PHF11: variants seen among roughly 807,000 people sequenced by gnomAD.
PHF11 encodes PHD finger protein 11.
Under a neutral mutation model 40.5 loss-of-function variants are expected in PHF11, and 38 were observed. That is an observed-to-expected ratio of 0.94 (90% CI 0.72 to 1.23). The LOEUF (loss-of-function observed/expected upper bound fraction) is 1.23. Ranked by LOEUF, PHF11 falls within the 50% of genes most tolerant of loss-of-function variation. The probability of loss-of-function intolerance (pLI) is 0.00; values close to 1 mark genes in which losing one functional copy is unlikely to be tolerated. For missense variants in PHF11, 369 were observed against 392.4 expected (o/e 0.94, Z 0.50); for synonymous variants, 127 against 138.2 (o/e 0.92, Z 0.57).
intron 9 of PHF11, among the ~76,000 whole-genome samples, chr13:49,527,577 G>A (rs1959360475): frequency 6.6e-6 from 1 of 152,156 alleles, no homozygotes; most frequent in South Asian, 2.1e-4. Flanking sequence ...ACCAAAAAGA[G>A]TGTCTGTCTT....
chr13:49,506,130 C>G (rs1958984087), intron 1 of PHF11, among the ~76,000 whole-genome samples: 1 of 151,870 alleles, frequency 6.6e-6, no homozygotes, highest in Non-Finnish European at 1.5e-5. Flanking sequence ...GGCACAGTAG[C>G]TCGTGCCTGT....
chr13:49,499,323 C>T (rs1398394899), intron 1 of PHF11, among the ~76,000 whole-genome samples: 1 of 152,202 alleles, frequency 6.6e-6, no homozygotes, highest in African/African-American at 2.4e-5. Context: ...ACAAACATGC[C>T]TGCTGGGGGT....
chr13:49,508,271 A>C (rs1013271996), intron 2 of PHF11, among the ~76,000 whole-genome samples: 6 of 147,214 alleles, frequency 4.1e-5, no homozygotes, highest in African/African-American at 1.5e-4. Flanking sequence ...TTATGTATTA[A>C]TATATTAATT....
At chr13:49,497,165 C>T (rs944836859) in intron 1 of PHF11, 5 of 1,289,532 alleles carry the variant, frequency 3.9e-6, no homozygotes, top group South Asian at 1.2e-5. Flanking sequence ...ACGTGGCAAC[C>T]ACAAGCCAAT....
At chr13:49,520,652 C>G (rs1178846520) in intron 4 of PHF11, among the ~76,000 whole-genome samples, 1 of 152,034 alleles carries the variant, frequency 6.6e-6, no homozygotes, top group Non-Finnish European at 1.5e-5. Flanking sequence ...TTCATCAGTA[C>G]TCATTCCTTG....
intron 3 of PHF11, among the ~76,000 whole-genome samples, chr13:49,513,448 A>G (rs967001818): frequency 1.3e-5 from 2 of 149,826 alleles, no homozygotes; most frequent in African/African-American, 5.0e-5. Flanking sequence ...CTCCTGCCTC[A>G]GCCTCCCGAG....
chr13:49,523,365 AG>A, intron 7 of PHF11, 124 bp downstream of exon 7: 1 of 666,356 alleles, frequency 1.5e-6, no homozygotes, highest in African/African-American at 1.8e-5. Context: ...GTAATTAATG[AG>A]TATAAATCTT....
intron 1 of PHF11, among the ~76,000 whole-genome samples, chr13:49,503,237 A>G (rs1430604194): frequency 6.6e-6 from 1 of 151,060 alleles, no homozygotes; most frequent in African/African-American, 2.4e-5. Context: ...CCATACCCCA[A>G]CCCACCCCAC....
chr13:49,502,730 T>G (rs533958262), intron 1 of PHF11, among the ~76,000 whole-genome samples: 24 of 152,328 alleles, frequency 1.6e-4, no homozygotes, highest in South Asian at 1.0e-3. Context: ...TTTATTTGTT[T>G]GTTTGTTTTG....
chr13:49,498,480 C>T (rs1169677389), intron 1 of PHF11, among the ~76,000 whole-genome samples: 1 of 151,856 alleles, frequency 6.6e-6, no homozygotes, highest in Admixed American at 6.5e-5. Context: ...TAACCTAGTA[C>T]ATTTCAGATA....
chr13:49,513,802 G>A (rs925687617), intron 3 of PHF11, among the ~76,000 whole-genome samples: 12 of 152,148 alleles, frequency 7.9e-5, no homozygotes, highest in Non-Finnish European at 1.5e-5. Context: ...TTGGTTGATT[G>A]AGTGGCTTGA....
chr13:49,507,270 C>T (rs558618203), intron 2 of PHF11, among the ~76,000 whole-genome samples: 2 of 152,216 alleles, frequency 1.3e-5, no homozygotes, highest in African/African-American at 2.4e-5. Context: ...ACTGATAGAC[C>T]TTCTACCCAG....
At chr13:49,505,360 G>A (rs577772018) in intron 1 of PHF11, among the ~76,000 whole-genome samples, 1 of 152,020 alleles carries the variant, frequency 6.6e-6, no homozygotes, top group Admixed American at 6.6e-5. Context: ...TGAAATAAAC[G>A]CTAGCTCCAA....
rs1958800022 is a variant in PHF11 at position 49,496,106 on chromosome 13, CGGGG to C, written c.94+13_94+16del. 3 of 283,050 alleles carry C rather than the reference CGGGG, an allele frequency of 1.1e-5. No individual in the cohort carries two copies. Among genetic ancestry groups the C allele is most frequent in the Non-Finnish European group, 1.5e-5 (3 of 197,684 alleles). 17.5% of individuals were successfully genotyped at this position (283,050 alleles called of 1,614,324 possible). ...TCCTCCTTCCCACCGGTGTGTACCG[CGGGG>C]GCGGGCGGGCGGGCGGGCGGGGCTG... is the stretch of plus-strand genomic sequence containing the variant. On this transcript the variant is annotated intron_variant, in intron 1 of 9. Transcript: ENST00000378319.
At chr13:49,502,463 T>A (rs1958922744) in intron 1 of PHF11, among the ~76,000 whole-genome samples, 1 of 152,228 alleles carries the variant, frequency 6.6e-6, no homozygotes, top group Non-Finnish European at 1.5e-5. Context: ...TCAAAGAATA[T>A]TATAAACAAA....
At position 49,524,292 on chromosome 13, in the gene PHF11, A is replaced by G. The variant is rs1594224327; in HGVS notation, c.769+76A>G. ...GATTTAAAACAAAACAAACCCAAGA[A>G]AAAAAAAAAGGCCCATTTTCTTCCT... On this transcript the variant is annotated intron_variant, in intron 8 of 9. Coordinates refer to ENST00000378319, the MANE Select transcript of PHF11 (RefSeq NM_001040443.3). 4.3e-6 allele frequency: 5 copies of G among 1,153,086 alleles called. No homozygotes were observed. In the East Asian group the frequency reaches 7.7e-5, roughly 18 times the overall value. 71.4% of individuals were successfully genotyped at this position (1,153,086 alleles called of 1,614,324 possible). A position where few individuals can be genotyped will look rare whatever the true frequency, so the allele number is the denominator to read the frequency against.
At position 49,518,992 on chromosome 13, in the gene PHF11, C is replaced by T. The variant is rs568809445; in HGVS notation, c.458+841C>T. 9.0e-3 allele frequency among the ~76,000 whole-genome samples: 1,360 copies of T among 151,660 alleles called. 6 individuals carry two copies. Among genetic ancestry groups the T allele is most frequent in the Non-Finnish European group, 0.013 (907 of 67,806 alleles). ...CTGGGACTACAGGCGCCCGCTACCACGCCCGGCTAATTTTTTGTATTTTTA... is the reference window on the plus strand; with the variant it reads ...CTGGGACTACAGGCGCCCGCTACCATGCCCGGCTAATTTTTTGTATTTTTA... On this transcript the variant is annotated intron_variant, in intron 4 of 9. Transcript: ENST00000378319.
intron 7 of PHF11, 174 bp from the exon 8 acceptor site, chr13:49,523,911 C>CA (rs1028841186): frequency 1.3e-4 from 53 of 393,612 alleles, no homozygotes; most frequent in African/African-American, 3.6e-4. Flanking sequence ...TTCAGCTGGC[C>CA]AAAAAAAATG....
At chr13:49,504,607 C>T (rs1179017224) in intron 1 of PHF11, among the ~76,000 whole-genome samples, 19 of 144,694 alleles carry the variant, frequency 1.3e-4, no homozygotes, top group South Asian at 8.8e-4. Context: ...GTCAGCCCCC[C>T]GCCCGGCCAG....
Sources: gnomAD v4.1 joint callset for allele counts (sites outside exome capture counted in the v4.1 genomes callset) on GRCh38, gnomAD v4.1.1 for gene constraint, MANE v1.5 for transcripts, NCBI Gene and HGNC (gene_info 2026-07-23, HGNC 2026-07-21) for gene names.